The following DMBT1 variants were observed in gnomAD, a reference collection of about 807,000 sequenced individuals.
DMBT1 encodes the protein scavenger receptor cysteine-rich domain-containing protein DMBT1.
A neutral mutation model predicts 252.9 loss-of-function variants in DMBT1; 198 were observed. The ratio of observed to expected loss-of-function variants is 0.78; its 90% CI spans 0.70 to 0.88. The LOEUF is 0.88. Among genes scored for constraint, DMBT1 ranks in the 40% least tolerant of loss-of-function variants. The probability of loss-of-function intolerance (pLI) is 0.00; values close to 1 mark genes in which losing one functional copy is unlikely to be tolerated. For synonymous variants in DMBT1, 990 were observed against 942.7 expected, an observed-to-expected ratio of 1.05 and a Z score of -0.92; for missense variants, 2,432 against 2,404.7, an observed-to-expected ratio of 1.01 and a Z score of -0.24.
rs779611696 is a variant in DMBT1 at position 122,586,278 on chromosome 10, G to C, written c.1678G>C (p.Asp560His). ...GGGCTCAGGACCCATTGTCCTGGAT[G>C]ACGTGCGCTGCTCAGGGAATGAGTC... is the stretch of plus-strand genomic sequence containing the variant. The part of the protein sequence containing the change: ...GQGSGPIVLD[D>H]VRCSGNESYL... Residue 560 changes from aspartate (D) to histidine (H), a missense_variant, in exon 16 of 56, where the codon GAC becomes CAC. Physicochemically the swap from Asp to His is moderately conservative, Grantham distance 81. This residue lies in a region of DMBT1 where 1,264 missense variants were observed against 1,082.2 expected (regional missense o/e 1.17). Coordinates refer to ENST00000338354, the MANE Select transcript of DMBT1 (RefSeq NM_001377530.1). The C allele has an allele frequency of 6.3e-7, 1 of 1,588,754 alleles. No individual in the cohort carries two copies. Among genetic ancestry groups the C allele is most frequent in the Non-Finnish European group, 8.6e-7 (1 of 1,165,890 alleles).
chr10:122,579,956 A>T, intron 10 of DMBT1, 55 bp downstream of exon 10: 1 of 1,612,188 alleles, frequency 6.2e-7, no homozygotes, highest in South Asian at 1.1e-5. Flanking sequence ...GCTCCAAAAG[A>T]AACTCCTAAT....
At chr10:122,642,175 G>GAAAAA (rs59805964) in intron 55 of DMBT1, among the ~76,000 whole-genome samples, 18 of 143,442 alleles carry the variant, frequency 1.3e-4, no homozygotes, top group African/African-American at 3.9e-4. Flanking sequence ...GAGCTACTGT[G>GAAAAA]AAAAAAAAAA....
chr10:122,630,017 T>G (rs1245356793), intron 47 of DMBT1, 24 bp downstream of exon 47: 1 of 1,613,404 alleles, frequency 6.2e-7, no homozygotes, highest in East Asian at 2.2e-5. Flanking sequence ...GGTCATCTGG[T>G]GAGGGGTGAG....
At chr10:122,578,307 G>A (rs1464732353) in intron 8 of DMBT1, among the ~76,000 whole-genome samples, 5 of 152,190 alleles carry the variant, frequency 3.3e-5, no homozygotes, top group Non-Finnish European at 4.4e-5. Flanking sequence ...AGGGGAGAGA[G>A]AGGCTAAGAA....
At chr10:122,598,639 G>T in intron 25 of DMBT1, 135 bp from the exon 26 acceptor site, 1 of 1,537,380 alleles carries the variant, frequency 6.5e-7, no homozygotes. Context: ...CTGAATCTCT[G>T]ATTTTATTCA....
At chr10:122,578,004 A>G (rs149471729) in intron 8 of DMBT1, among the ~76,000 whole-genome samples, 164 bp downstream of exon 8, 10 of 152,294 alleles carry the variant, frequency 6.6e-5, no homozygotes, top group Non-Finnish European at 1.2e-4. Flanking sequence ...TTAACCACAC[A>G]TGGGATTTAG....
At chr10:122,630,206 C>A in intron 47 of DMBT1, 82 bp from the exon 48 acceptor site, 3 of 1,442,084 alleles carry the variant, frequency 2.1e-6, no homozygotes, top group South Asian at 1.2e-5. Context: ...TCAATGGCAT[C>A]CCTCGTAAAG....
chr10:122,593,261 G>A (rs1762097245), intron 20 of DMBT1, among the ~76,000 whole-genome samples: 2 of 148,830 alleles, frequency 1.3e-5, no homozygotes, highest in African/African-American at 2.4e-5. Context: ...TTTGGCTGGA[G>A]TGGCTTCCTC....
chr10:122,588,855 C>T (rs2097820416), intron 16 of DMBT1, 89 bp from the exon 17 acceptor site: 2 of 1,565,892 alleles, frequency 1.3e-6, no homozygotes, highest in African/African-American at 2.7e-5. Flanking sequence ...GTGACTTTGG[C>T]CATTAGGAAG....
Position 122,590,793 on chromosome 10 carries a change from C to T in DMBT1, c.2137+99C>T, listed in dbSNP as rs186584667. The T allele has an allele frequency of 3.8e-3, 5,393 of 1,412,826 alleles. 357 individuals carry two copies. Among genetic ancestry groups the T allele is most frequent in the Non-Finnish European group, 4.9e-3 (4,950 of 1,016,950 alleles). 87.5% of individuals were successfully genotyped at this position (1,412,826 alleles called of 1,614,324 possible). On this transcript the variant is annotated intron_variant, in intron 18 of 55. Coordinates refer to ENST00000338354, the MANE Select transcript of DMBT1 (RefSeq NM_001377530.1). ...GCCCTCCTTCTTACCTGTGTGGATA[C>T]TGTGGGTCATACTATTTTCCCTGCT...
chr10:122,630,434 G>A lies in DMBT1; in HGVS notation c.5969G>A (p.Ser1990Asn). 6.2e-7 allele frequency: 1 copy of A among 1,613,984 alleles called. No individual in the cohort carries two copies. Among genetic ancestry groups the A allele is most frequent in the African/African-American group, 1.3e-5 (1 of 75,030 alleles). ...AACCGAATGACCATTCACTTTCGAA[G>A]TGACATCAGTTTCCAAAACACTGGC... The part of the protein sequence containing the change: ...SYNRMTIHFR[S>N]DISFQNTGFL... The change falls in exon 48 of 56, where the codon AGT (serine) becomes AAT (asparagine). Residue 1990 changes from serine (S) to asparagine (N), a missense_variant. Physicochemically the swap from Ser to Asn is conservative, Grantham distance 46 (BLOSUM62 1). Transcript: ENST00000338354.
chr10:122,623,904 G>A (rs1320677247), intron 44 of DMBT1, among the ~76,000 whole-genome samples: 1 of 152,176 alleles, frequency 6.6e-6, no homozygotes, highest in African/African-American at 2.4e-5. Context: ...TCAGGCATAG[G>A]CACTGCTAGG....
chr10:122,569,595 C>T (rs950500578), intron 2 of DMBT1, among the ~76,000 whole-genome samples: 13 of 152,170 alleles, frequency 8.5e-5, no homozygotes, highest in African/African-American at 3.1e-4. Context: ...CTGGCATTTG[C>T]CGTATGGACT....
Position 122,578,774 on chromosome 10 carries a change from C to T in DMBT1, c.679+15C>T. On this transcript the variant is annotated intron_variant, in intron 9 of 55. Coordinates refer to ENST00000338354, the MANE Select transcript of DMBT1 (RefSeq NM_001377530.1). ...ACCCACAGAAGGTAAAGAATCCTCT[C>T]AACACTCCCTGGGGCTCACTTTCTA... 4 of 1,602,084 alleles carry T rather than the reference C, an allele frequency of 2.5e-6. No individual in the cohort carries two copies. Among genetic ancestry groups the T allele is most frequent in the Non-Finnish European group, 2.6e-6 (3 of 1,173,116 alleles).
chr10:122,627,676 T>C (rs2098127912), intron 46 of DMBT1, among the ~76,000 whole-genome samples: 1 of 152,240 alleles, frequency 6.6e-6, no homozygotes, highest in Non-Finnish European at 1.5e-5. Context: ...TATCCTTGTC[T>C]CTGAAAGTTT....
At chr10:122,569,790 G>A (rs2097644282) in intron 2 of DMBT1, among the ~76,000 whole-genome samples, 2 of 152,262 alleles carry the variant, frequency 1.3e-5, no homozygotes, top group Admixed American at 1.3e-4. Context: ...ATCTTATCAG[G>A]AGTATATCAG....
rs1385036380 is a variant in DMBT1 at position 122,600,159 on chromosome 10, C to A, written c.3310+66C>A. 3.2e-6 allele frequency: 5 copies of A among 1,558,078 alleles called. No homozygotes were observed. The African/African-American group carries it at 7.1e-5, about 22-fold the overall frequency. Reference sequence around the variant, plus strand: ...TCTGCCCAATCACCCCTTCCACACTCCACAGAGCTCTCCTGTTTCTCTGTG... The same window carrying A: ...TCTGCCCAATCACCCCTTCCACACTACACAGAGCTCTCCTGTTTCTCTGTG... On this transcript the variant is annotated intron_variant, in intron 27 of 55. Transcript: ENST00000338354.
chr10:122,640,553 C>A (rs749111629), intron 55 of DMBT1, 104 bp downstream of exon 55: 424 of 1,212,676 alleles, frequency 3.5e-4, no homozygotes, highest in Non-Finnish European at 4.2e-4. Context: ...ACTGCAGTTC[C>A]CAGTACTTCC....
At chr10:122,590,033 A>T (rs2097835384) in intron 17 of DMBT1, among the ~76,000 whole-genome samples, 1 of 148,308 alleles carries the variant, frequency 6.7e-6, no homozygotes, top group African/African-American at 2.4e-5. Flanking sequence ...GAGCACATAT[A>T]GGTGTTGGGG....
Sources: allele counts gnomAD v4.1 joint callset (sites outside exome capture counted in the v4.1 genomes callset), GRCh38; gene constraint gnomAD v4.1.1; regional missense constraint gnomAD v4.1.1; transcripts MANE v1.5; gene names NCBI Gene and HGNC (gene_info 2026-07-23, HGNC 2026-07-21).